The following PCDHGA2 variants were observed in gnomAD, a reference collection of about 807,000 sequenced individuals.
PCDHGA2 encodes protocadherin gamma-A2.
Under a neutral mutation model 59.2 loss-of-function variants are expected in PCDHGA2, and 40 were observed. That is an observed-to-expected ratio of 0.68 (90% CI 0.52 to 0.88). The LOEUF is 0.88. Among genes scored for constraint, PCDHGA2 ranks in the 40% least tolerant of loss-of-function variants. The pLI is 0.00. For synonymous variants in PCDHGA2, 560 were observed against 526.0 expected (o/e 1.06, Z -0.89); for missense variants, 1,226 against 1,204.0 (o/e 1.02, Z -0.27).
In PCDHGA2 at chr5:141,485,472, C is replaced by T. The variant is rs1185020546; in HGVS notation, c.2425-9335C>T. On this transcript the variant is annotated intron_variant, in intron 1 of 3. Transcript: ENST00000394576. This position sits in a 1 kb window ranked among gnomAD's most constrained non-coding sequence, Gnocchi z 5.7. The stretch of plus-strand genomic sequence containing the variant: ...CGAGAGGCACTGTGTGGGCTCAGTG[C>T]CAGCTGCATCGTGCCCCTGGAGTTT... The T allele has an allele frequency of 3.1e-6, 5 of 1,614,138 alleles. No individual in the cohort carries two copies. In the South Asian group the frequency reaches 5.5e-5, roughly 18 times the overall value.
intron 1 of PCDHGA2, among the ~76,000 whole-genome samples, chr5:141,484,740 G>GA (rs1047805396): frequency 2.0e-5 from 3 of 150,646 alleles, no homozygotes; most frequent in Admixed American, 1.3e-4. Context: ...GGTGTGTTAG[G>GA]AAAAAAAATG....
chr5:141,497,626 G>T (rs1373764805), intron 2 of PCDHGA2, among the ~76,000 whole-genome samples: 3 of 149,502 alleles, frequency 2.0e-5, no homozygotes, highest in Non-Finnish European at 4.4e-5. Flanking sequence ...TGCAACCTCT[G>T]CCTGCCAGGT....
intron 1 of PCDHGA2, chr5:141,375,055 G>T (rs1771087502): frequency 6.2e-7 from 1 of 1,614,042 alleles, no homozygotes; most frequent in Non-Finnish European, 8.5e-7. Flanking sequence ...CCCGGGATGG[G>T]CCAGGTCTTC....
At position 141,363,833 on chromosome 5, in the gene PCDHGA2, T is replaced by A. The variant is rs533178318; in HGVS notation, c.2424+22438T>A. 4.7e-4 allele frequency among the ~76,000 whole-genome samples: 71 copies of A among 152,330 alleles called. 1 individual carries two copies. In the South Asian group the frequency reaches 4.8e-3, roughly 10 times the overall value. ...AATCCTACAAAGGTAAGAATTTGAA[T>A]GTCCTAATTTAATGGACTAAATATA... is the stretch of plus-strand genomic sequence containing the variant. On this transcript the variant is annotated intron_variant, in intron 1 of 3. Transcript: ENST00000394576.
At chr5:141,350,295 G>C (rs748197603) in intron 1 of PCDHGA2, 3 of 1,518,322 alleles carry the variant, frequency 2.0e-6, no homozygotes, top group Non-Finnish European at 2.6e-6. Flanking sequence ...ATGATGAAAA[G>C]TCAGGTACTG....
chr5:141,425,523 T>C (rs1260519939), intron 1 of PCDHGA2, among the ~76,000 whole-genome samples: 1 of 152,248 alleles, frequency 6.6e-6, no homozygotes, highest in Admixed American at 6.5e-5. Flanking sequence ...TGATGAAACA[T>C]GAAACAATAA....
Position 141,421,726 on chromosome 5 carries a change from T to G in PCDHGA2, c.2425-73081T>G. On this transcript the variant is annotated intron_variant, in intron 1 of 3. Transcript: ENST00000394576. The stretch of plus-strand genomic sequence containing the variant: ...TAGGGATCCAGATGTGGGCGTGAAC[T>G]CCCTCCAGAGCTACCAGCTCAGCCC... 1 of 1,613,928 alleles carries G rather than the reference T, an allele frequency of 6.2e-7. No homozygotes were observed. Among genetic ancestry groups the G allele is most frequent in the Non-Finnish European group, 8.5e-7 (1 of 1,179,852 alleles).
chr5:141,344,595 G>A, intron 1 of PCDHGA2: 1 of 1,613,976 alleles, frequency 6.2e-7, no homozygotes, highest in Admixed American at 1.7e-5. Context: ...CGTCTCTGAG[G>A]GGGCCAAGTA....
At chr5:141,429,105 C>G (rs936114624) in intron 1 of PCDHGA2, 1 of 152,318 alleles carries the variant, frequency 6.6e-6, no homozygotes, top group Non-Finnish European at 1.5e-5. Flanking sequence ...CTGCCCGCCT[C>G]GGCCTCCCAA....
At chr5:141,450,957 T>G (rs2154563418) in intron 1 of PCDHGA2, among the ~76,000 whole-genome samples, 1 of 152,010 alleles carries the variant, frequency 6.6e-6, no homozygotes, top group Non-Finnish European at 1.5e-5. Context: ...CCCAAGTAGC[T>G]GGGATTACAG....
In PCDHGA2 at chr5:141,419,425, C is replaced by T. The variant is rs3749766; in HGVS notation, c.2425-75382C>T. Reference sequence around the variant, plus strand: ...TGTTCGCGCAGCGCGCCTTCGACCACGAGCAGCTGCGCACCTTCGAGCTCA... The same window carrying T: ...TGTTCGCGCAGCGCGCCTTCGACCATGAGCAGCTGCGCACCTTCGAGCTCA... On this transcript the variant is annotated intron_variant, in intron 1 of 3. Transcript: ENST00000394576. 284 of 1,613,316 alleles carry T rather than the reference C, an allele frequency of 1.8e-4. 1 individual carries two copies. The East Asian group carries it at 5.9e-3, about 34-fold the overall frequency.
At chr5:141,399,435 A>G (rs568070353) in intron 1 of PCDHGA2, 20 of 1,613,972 alleles carry the variant, frequency 1.2e-5, no homozygotes, top group African/African-American at 9.3e-5. Context: ...GCGTCATCCT[A>G]CATATCAGAG....
chr5:141,419,361 T>C, intron 1 of PCDHGA2: 1 of 1,613,794 alleles, frequency 6.2e-7, no homozygotes, highest in Non-Finnish European at 8.5e-7. Context: ...TCACGAACGC[T>C]GTCGTCCTAC....
intron 1 of PCDHGA2, chr5:141,409,204 C>A: frequency 6.2e-7 from 1 of 1,613,942 alleles, no homozygotes; most frequent in South Asian, 1.1e-5. Flanking sequence ...GTAAAGTAAT[C>A]ATAGAAATCC....
Position 141,511,002 on chromosome 5 carries a change from C to A in PCDHGA2, c.2628C>A (p.Ser876Arg), listed in dbSNP as rs143630962. The change falls in exon 4 of 4, where the codon AGC becomes AGA. Residue 876 changes from serine to arginine, a missense_variant. Physicochemically the swap from Ser to Arg is moderately radical, Grantham distance 110. Transcript: ENST00000394576. Reference protein sequence around the residue: ...LGGGAGTMGLSARYGPQFTLQ... With the variant: ...LGGGAGTMGLRARYGPQFTLQ... ...GGGGTGCCGGCACCATGGGATTGAG[C>A]GCCCGCTACGGACCCCAGTTCACCC... The A allele has an allele frequency of 8.7e-6, 14 of 1,614,140 alleles. No homozygotes were observed. The highest frequency in any genetic ancestry group is 1.2e-5 in the Non-Finnish European group (14 of 1,180,018).
Position 141,506,556 on chromosome 5 carries a change from AC to A in PCDHGA2, c.2572+1080del, listed in dbSNP as rs560503002. Among the ~76,000 whole-genome samples the A allele has an allele frequency of 4.0e-4, 60 of 151,718 alleles. 1 individual carries two copies. In the East Asian group the frequency reaches 0.011, roughly 28 times the overall value. ...AATGAGTCCTTAGGTAAGTTATTAA[AC>A]CCCCTCGGTTTCACTTACTATTAAT... On this transcript the variant is annotated intron_variant, in intron 3 of 3. Coordinates refer to ENST00000394576, the MANE Select transcript of PCDHGA2 (RefSeq NM_018915.4).
chr5:141,417,936 A>G (rs1266177574), intron 1 of PCDHGA2: 3 of 1,612,080 alleles, frequency 1.9e-6, no homozygotes, highest in Non-Finnish European at 1.7e-6. Flanking sequence ...CCTTTGTTCT[A>G]CCCCACGCTG....
intron 1 of PCDHGA2, chr5:141,403,362 G>C: frequency 6.2e-7 from 1 of 1,614,062 alleles, no homozygotes; most frequent in Non-Finnish European, 8.5e-7. Flanking sequence ...CAGGCCGAAA[G>C]TCTGGAAGTA....
rs1036281905 is a variant in PCDHGA2 at position 141,493,555 on chromosome 5, T to C, written c.2425-1252T>C. ...GCCAGTTATCCTTTTGGAGATTGAG[T>C]TCCCCCAGCTCCGTTTCCTCCTATC... On this transcript the variant is annotated intron_variant, in intron 1 of 3. Transcript: ENST00000394576. This position sits in a 1 kb window ranked among gnomAD's most constrained non-coding sequence, Gnocchi z 4.3. Among the ~76,000 whole-genome samples, 3 of 152,012 alleles carry C rather than the reference T, an allele frequency of 2.0e-5. No individual in the cohort carries two copies. Among genetic ancestry groups the C allele is most frequent in the African/African-American group, 7.3e-5 (3 of 41,362 alleles).
Sources: gnomAD v4.1 joint callset for allele counts (sites outside exome capture counted in the v4.1 genomes callset) on GRCh38, gnomAD v4.1.1 for gene constraint, Gnocchi (gnomAD v3.1) non-coding constraint, MANE v1.5 for transcripts, NCBI Gene and HGNC (gene_info 2026-07-23, HGNC 2026-07-21) for gene names.